SESN3: variants seen among roughly 807,000 people sequenced by gnomAD.
SESN3 encodes sestrin 3, also known as sestrin-3.
Under a neutral mutation model 55.3 loss-of-function variants are expected in SESN3, and 21 were observed. The observed-to-expected ratio is 0.38, with a 90% CI of 0.27 to 0.55. The LOEUF (loss-of-function observed/expected upper bound fraction) is 0.55, where lower values mean the gene tolerates loss of function less well. Among genes scored for constraint, SESN3 ranks in the 20% least tolerant of loss-of-function variants. The pLI is 0.76. For synonymous variants in SESN3, 181 were observed against 203.1 expected (o/e 0.89, Z 0.93); for missense variants, 408 against 604.3 (o/e 0.68, Z 3.41).
chr11:95,178,569 T>C (rs1301397509), intron 7 of SESN3, 141 bp downstream of exon 7: 3 of 603,208 alleles, frequency 5.0e-6, no homozygotes, highest in Non-Finnish European at 8.9e-6. Context: ...GAACTCCAAT[T>C]AGATTAGGCT....
intron 4 of SESN3, among the ~76,000 whole-genome samples, chr11:95,186,802 T>C (rs1860176010): frequency 1.3e-5 from 2 of 151,858 alleles, no homozygotes; most frequent in Non-Finnish European, 2.9e-5. Flanking sequence ...TCTGTAATAA[T>C]GTAAATAAAG....
rs890927740 is a variant in SESN3, at chr11:95,169,239, T to C, written c.*4016A>G. Reference sequence around the variant, plus strand: ...ACAGTACTGCTTTGAAGAAAGACTATTTAATTTGATTCTCAGTCTCCAGAG... The same window carrying C: ...ACAGTACTGCTTTGAAGAAAGACTACTTAATTTGATTCTCAGTCTCCAGAG... On this transcript the variant is annotated 3_prime_UTR_variant, in exon 10 of 10. Coordinates refer to ENST00000536441, the MANE Select transcript of SESN3 (RefSeq NM_144665.4). 4 of 152,198 alleles carry C rather than the reference T, an allele frequency of 2.6e-5. No homozygotes were observed. The highest frequency in any genetic ancestry group is 5.9e-5 in the Non-Finnish European group (4 of 68,030). The allele number at this position is 152,198 out of a possible 1,614,324, so 9.4% of individuals were successfully genotyped here. A position where few individuals can be genotyped will look rare whatever the true frequency, so the allele number is the denominator to read the frequency against.
At chr11:95,192,172 T>C (rs1007106202) in intron 2 of SESN3, among the ~76,000 whole-genome samples, 1 of 152,082 alleles carries the variant, frequency 6.6e-6, no homozygotes, top group Non-Finnish European at 1.5e-5. Context: ...TCATTCCTAT[T>C]TTGAGCCTAA....
chr11:95,190,719 C>T (rs570483740), intron 3 of SESN3, among the ~76,000 whole-genome samples: 4 of 152,050 alleles, frequency 2.6e-5, no homozygotes, highest in South Asian at 2.1e-4. Flanking sequence ...TCAAATCAAA[C>T]GTGGTCAAAC....
Position 95,168,095 on chromosome 11 carries a change from G to A in SESN3, c.*5160C>T, listed in dbSNP as rs1859783998. On this transcript the variant is annotated 3_prime_UTR_variant, in exon 10 of 10. Transcript: ENST00000536441. ...TATTTTAAATCATATGGGCTTCTGT[G>A]ATCCCATAGGACCATCTAAATACCC... 1 of 152,052 alleles carries A rather than the reference G, an allele frequency of 6.6e-6. No individual in the cohort carries two copies. The highest frequency in any genetic ancestry group is 2.1e-4 in the South Asian group (1 of 4,826). The allele number at this position is 152,052 out of a possible 1,614,324, so 9.4% of individuals were successfully genotyped here.
At chr11:95,192,121 G>T (rs1296826635) in intron 2 of SESN3, among the ~76,000 whole-genome samples, 1 of 151,976 alleles carries the variant, frequency 6.6e-6, no homozygotes, top group Non-Finnish European at 1.5e-5. Flanking sequence ...ATAAATTTTA[G>T]AAGTGTTAAT....
At position 95,230,939 on chromosome 11, in the gene SESN3, G is replaced by T; in HGVS notation, c.-79C>A. Reference sequence around the variant, plus strand: ...ACTGCGGCCACTGCAGGGCCGGTCCGTCCCCCCGCCGCCAGCCGCGATTCC... The same window carrying T: ...ACTGCGGCCACTGCAGGGCCGGTCCTTCCCCCCGCCGCCAGCCGCGATTCC... On this transcript the variant is annotated 5_prime_UTR_variant, in exon 1 of 10. Coordinates refer to ENST00000536441, the MANE Select transcript of SESN3 (RefSeq NM_144665.4). The surrounding 1 kb of genome is among the most constrained non-coding windows in gnomAD (Gnocchi z 4.6). 8.6e-6 allele frequency: 8 copies of T among 932,906 alleles called. No homozygotes were observed. The highest frequency in any genetic ancestry group is 1.2e-5 in the Non-Finnish European group (8 of 679,956). The allele number at this position is 932,906 out of a possible 1,614,324, so 57.8% of individuals were successfully genotyped here.
At chr11:95,222,495 T>G (rs573191861) in intron 1 of SESN3, among the ~76,000 whole-genome samples, 1 of 152,240 alleles carries the variant, frequency 6.6e-6, no homozygotes, top group Non-Finnish European at 1.5e-5. Flanking sequence ...AGTTTTCATA[T>G]TATTGGCTAT....
In SESN3 at chr11:95,209,975, C is replaced by G. The variant is rs575689544; in HGVS notation, c.79-16453G>C. On this transcript the variant is annotated intron_variant, in intron 1 of 9. Transcript: ENST00000536441. ...AAGGTTGCAGTGAGCCAAGAACACG[C>G]CATTGCACTCCAACCTGGGCAACAA... Among the ~76,000 whole-genome samples, 3 of 139,664 alleles carry G rather than the reference C, an allele frequency of 2.1e-5. No homozygotes were observed. The East Asian group carries it at 6.0e-4, about 28-fold the overall frequency. 91.6% of individuals were successfully genotyped at this position (139,664 alleles called of 152,430 possible). A position where few individuals can be genotyped will look rare whatever the true frequency, so the allele number is the denominator to read the frequency against.
At chr11:95,186,045 C>A (rs930970056) in intron 4 of SESN3, among the ~76,000 whole-genome samples, 1 of 151,938 alleles carries the variant, frequency 6.6e-6, no homozygotes. Flanking sequence ...TTTCACTTGA[C>A]CCTCCAGCTG....
intron 1 of SESN3, among the ~76,000 whole-genome samples, chr11:95,212,598 A>G (rs940361021): frequency 3.3e-5 from 5 of 152,194 alleles, no homozygotes; most frequent in Non-Finnish European, 7.4e-5. Context: ...AGAGCAATAC[A>G]ATTGCAGCTA....
At chr11:95,173,709 A>T (rs1859899053) in intron 9 of SESN3, among the ~76,000 whole-genome samples, 7 of 151,474 alleles carry the variant, frequency 4.6e-5, no homozygotes, top group Middle Eastern at 3.4e-3. Context: ...TTTTTTTAAC[A>T]GTTTATGCTT....
At chr11:95,217,723 A>G (rs184467465) in intron 1 of SESN3, among the ~76,000 whole-genome samples, 44 of 152,216 alleles carry the variant, frequency 2.9e-4, no homozygotes, top group Admixed American at 1.3e-3. Context: ...TAGGGCTTGA[A>G]TCTTGCACAC....
In SESN3 at chr11:95,173,214, A is replaced by T. The variant is rs1272230981; in HGVS notation, c.*41T>A. 8.6e-7 allele frequency: 1 copy of T among 1,169,304 alleles called. No homozygotes were observed. Among genetic ancestry groups the T allele is most frequent in the East Asian group, 2.4e-5 (1 of 42,132 alleles). The allele number at this position is 1,169,304 out of a possible 1,614,324, so 72.4% of individuals were successfully genotyped here. ...TAGCTTCAATGTTTATCTTATGTGAAAGGTCTTTACACATGTATGACATTT... is the reference window on the plus strand; with the variant it reads ...TAGCTTCAATGTTTATCTTATGTGATAGGTCTTTACACATGTATGACATTT... On this transcript the variant is annotated 3_prime_UTR_variant, in exon 10 of 10. Coordinates refer to ENST00000536441, the MANE Select transcript of SESN3 (RefSeq NM_144665.4).
chr11:95,191,490 G>T lies in SESN3; in HGVS notation c.256C>A (p.Leu86Met), dbSNP rs1860267147. ...AACTGGCTCCGCAAGAAAGACTCCA[G>T]GTACTGAGTGTGTAAACTCATGACC... is the stretch of plus-strand genomic sequence containing the variant. Reference protein sequence around the residue: ...TQVMSLHTQYLESFLRSQFYM... With the variant: ...TQVMSLHTQYMESFLRSQFYM... The change falls in exon 3 of 10, where the codon CTG becomes ATG. Residue 86 changes from leucine to methionine, a missense_variant. Around this residue, in one of 4 missense-constraint regions of SESN3, gnomAD observed 107 missense variants for 211.3 expected, o/e 0.51. Transcript: ENST00000536441. 3 of 1,612,852 alleles carry T rather than the reference G, an allele frequency of 1.9e-6. No individual in the cohort carries two copies. Among genetic ancestry groups the T allele is most frequent in the African/African-American group, 1.3e-5 (1 of 74,812 alleles).
chr11:95,231,406 C>G, upstream of SESN3: 1 of 351,554 alleles, frequency 2.8e-6, no homozygotes, highest in Non-Finnish European at 5.1e-6. Flanking sequence ...ATCTCCGAGG[C>G]TCGGAACTGA....
intron 1 of SESN3, chr11:95,224,493 GA>G (rs1246256180): frequency 9.2e-6 from 4 of 435,266 alleles, no homozygotes; most frequent in East Asian, 7.3e-5. Context: ...GGCTGAAAAG[GA>G]AAGAAAGACC....
At chr11:95,216,911 G>A (rs1860768939) in intron 1 of SESN3, among the ~76,000 whole-genome samples, 1 of 151,804 alleles carries the variant, frequency 6.6e-6, no homozygotes, top group Non-Finnish European at 1.5e-5. Context: ...TTCGAGACCA[G>A]CCTGACTAAT....
chr11:95,167,232 A>G lies in SESN3; in HGVS notation c.*6023T>C, dbSNP rs1859766039. ...AGATTCTCTCTGATATTCTTTCGGTAGAAATTATACATTCATTTTTTTAAG... is the reference window on the plus strand; with the variant it reads ...AGATTCTCTCTGATATTCTTTCGGTGGAAATTATACATTCATTTTTTTAAG... On this transcript the variant is annotated 3_prime_UTR_variant, in exon 10 of 10. Coordinates refer to ENST00000536441, the MANE Select transcript of SESN3 (RefSeq NM_144665.4). 6.6e-6 allele frequency: 1 copy of G among 152,208 alleles called. No individual in the cohort carries two copies. The highest frequency in any genetic ancestry group is 6.5e-5 in the Admixed American group (1 of 15,276). 9.4% of individuals were successfully genotyped at this position (152,208 alleles called of 1,614,324 possible). A position where few individuals can be genotyped will look rare whatever the true frequency, so the allele number is the denominator to read the frequency against.
Sources: gnomAD v4.1 joint callset for allele counts (sites outside exome capture counted in the v4.1 genomes callset) on GRCh38, gnomAD v4.1.1 for gene constraint, gnomAD v4.1.1 regional missense constraint, Gnocchi (gnomAD v3.1) non-coding constraint, MANE v1.5 for transcripts, NCBI Gene and HGNC (gene_info 2026-07-23, HGNC 2026-07-21) for gene names.